The following VPS50 variants were observed in gnomAD, a reference collection of about 807,000 sequenced individuals.
VPS50 encodes VPS50 subunit of EARP/GARPII complex.
Under a neutral mutation model 139.7 loss-of-function variants are expected in VPS50, and 70 were observed. The observed-to-expected ratio is 0.50, with a 90% CI of 0.41 to 0.61. The LOEUF is 0.61. Ranked by LOEUF, VPS50 falls within the 20% of genes least tolerant of loss-of-function variation. The pLI, the probability that VPS50 is intolerant of heterozygous loss-of-function variation, is 0.00. For missense variants in VPS50, 921 were observed against 1,133.7 expected (o/e 0.81, Z 2.69); for synonymous variants, 365 against 376.7 (o/e 0.97, Z 0.36).
Position 93,257,891 on chromosome 7 carries a change from G to A in VPS50, c.423-268G>A, listed in dbSNP as rs377197168. 357 of 296,126 alleles carry A rather than the reference G, an allele frequency of 1.2e-3. 7 individuals carry two copies. In the South Asian group the frequency reaches 0.033, roughly 27 times the overall value. 18.3% of individuals were successfully genotyped at this position (296,126 alleles called of 1,614,324 possible). ...AAGAATAATTATTCTGTCAGTTTTT[G>A]CACTGTGTTTTTAAGCGCTTATTCT... is the stretch of plus-strand genomic sequence containing the variant. On this transcript the variant is annotated intron_variant, in intron 6 of 27. Transcript: ENST00000305866.
intron 26 of VPS50, among the ~76,000 whole-genome samples, chr7:93,354,113 T>C (rs1798631143): frequency 6.6e-6 from 1 of 152,136 alleles, no homozygotes; most frequent in Non-Finnish European, 1.5e-5. Context: ...AAACCAAACA[T>C]TTCACAGGAT....
rs1379144757 is a variant in VPS50 at position 93,355,930 on chromosome 7, C to A, written c.2625C>A (p.Ala875=). The change falls in exon 27 of 28, where the codon GCC becomes GCA. Residue 875 remains alanine (A), a synonymous_variant. Coordinates refer to ENST00000305866, the MANE Select transcript of VPS50 (RefSeq NM_017667.4). ...NVKKCSNEGR[A]LMQLDFQQFL... ...AGAAATGCAGTAATGAGGGTCGTGC[C>A]CTGATGCAATTGGATTTTCAACAGT... The A allele has an allele frequency of 1.9e-6, 3 of 1,602,138 alleles. No individual in the cohort carries two copies. Among genetic ancestry groups the A allele is most frequent in the Non-Finnish European group, 2.6e-6 (3 of 1,171,476 alleles).
intron 14 of VPS50, chr7:93,295,426 T>C (rs2116947477): frequency 6.6e-6 from 1 of 152,312 alleles, no homozygotes; most frequent in East Asian, 1.9e-4. Context: ...TATTATCACC[T>C]TGGAGGTTAG....
chr7:93,260,639 T>A lies in VPS50; in HGVS notation c.659+1007T>A, dbSNP rs531846426. On this transcript the variant is annotated intron_variant, in intron 9 of 27. Transcript: ENST00000305866. ...TGCTGTTTAAGTCTCTATGGTTTTTTTTTTTCTTTAAAATGTGCAGATTGA... is the reference window on the plus strand; with the variant it reads ...TGCTGTTTAAGTCTCTATGGTTTTTATTTTTCTTTAAAATGTGCAGATTGA... Among the ~76,000 whole-genome samples the A allele has an allele frequency of 4.6e-5, 7 of 152,222 alleles. No individual in the cohort carries two copies. In the East Asian group the frequency reaches 9.7e-4, roughly 21 times the overall value.
intron 12 of VPS50, among the ~76,000 whole-genome samples, chr7:93,281,868 G>A (rs1796336909): frequency 1.3e-5 from 2 of 152,166 alleles, no homozygotes; most frequent in Admixed American, 1.3e-4. Flanking sequence ...AAAAGTAGCT[G>A]CACAAACTGT....
intron 4 of VPS50, among the ~76,000 whole-genome samples, chr7:93,256,262 C>T (rs577477797): frequency 1.3e-5 from 2 of 152,210 alleles, no homozygotes; most frequent in South Asian, 4.1e-4. Context: ...ATATTATTAA[C>T]AATAATAATG....
In VPS50 at chr7:93,321,684, C is replaced by T. The variant is rs375249379; in HGVS notation, c.1856-1927C>T. On this transcript the variant is annotated intron_variant, in intron 20 of 27. Coordinates refer to ENST00000305866, the MANE Select transcript of VPS50 (RefSeq NM_017667.4). Reference sequence around the variant, plus strand: ...TTTCTTCTGAATACACATTTAAAATCGCCTTTACCTATTAATAATCGATTT... The same window carrying T: ...TTTCTTCTGAATACACATTTAAAATTGCCTTTACCTATTAATAATCGATTT... Among the ~76,000 whole-genome samples the T allele has an allele frequency of 3.0e-4, 46 of 152,240 alleles. No homozygotes were observed. In the East Asian group the frequency reaches 4.3e-3, roughly 14 times the overall value.
intron 9 of VPS50, among the ~76,000 whole-genome samples, chr7:93,263,693 C>T (rs1795754929): frequency 6.6e-6 from 1 of 152,126 alleles, no homozygotes; most frequent in African/African-American, 2.4e-5. Context: ...ATATTTGCTT[C>T]TGCATAAAGA....
At chr7:93,297,560 A>G (rs969556706) in intron 16 of VPS50, among the ~76,000 whole-genome samples, 8 of 152,212 alleles carry the variant, frequency 5.3e-5, no homozygotes, top group African/African-American at 1.9e-4. Flanking sequence ...CTGCATACAT[A>G]TGGGTGTGCT....
rs1245712553 is a variant in VPS50, at chr7:93,305,965, C to A, written c.1590C>A (p.His530Gln). 1 of 1,612,162 alleles carries A rather than the reference C, an allele frequency of 6.2e-7. No individual in the cohort carries two copies. Among genetic ancestry groups the A allele is most frequent in the Non-Finnish European group, 8.5e-7 (1 of 1,178,652 alleles). The change falls in exon 18 of 28, where the codon CAC becomes CAA. Residue 530 changes from histidine (H) to glutamine (Q), a missense_variant. By Grantham distance (24) the His-to-Gln change is conservative. This residue lies in a region of VPS50 where 744 missense variants were observed against 930.6 expected (regional missense o/e 0.80). Coordinates refer to ENST00000305866, the MANE Select transcript of VPS50 (RefSeq NM_017667.4). ...ATCCATTTGAAATTCAGGCCAACCA[C>A]AAAGATGAAGAAACAGAAGATGTCT... Reference protein sequence around the residue: ...GGNPFEIQANHKDEETEDVLA... With the variant: ...GGNPFEIQANQKDEETEDVLA...
intron 26 of VPS50, among the ~76,000 whole-genome samples, chr7:93,354,716 T>G (rs1272483925): frequency 6.6e-6 from 1 of 152,160 alleles, no homozygotes; most frequent in South Asian, 2.1e-4. Context: ...ATGGATCTAT[T>G]AATAGTAATT....
intron 21 of VPS50, 53 bp from the exon 22 acceptor site, chr7:93,334,064 A>G (rs1798006951): frequency 2.0e-6 from 2 of 977,824 alleles, no homozygotes; most frequent in Non-Finnish European, 3.2e-6. Context: ...TTGAAGATGT[A>G]ACATTTGCAA....
chr7:93,236,521 G>A (rs765935505), intron 1 of VPS50, among the ~76,000 whole-genome samples: 1 of 152,188 alleles, frequency 6.6e-6, no homozygotes, highest in Non-Finnish European at 1.5e-5. Flanking sequence ...AGAGGCGAGT[G>A]TTAATTTATG....
At chr7:93,302,527 A>T (rs1797007456) in intron 16 of VPS50, among the ~76,000 whole-genome samples, 1 of 150,844 alleles carries the variant, frequency 6.6e-6, no homozygotes, top group African/African-American at 2.4e-5. Flanking sequence ...TGTTTTTCTT[A>T]TTGCAGTTAT....
intron 21 of VPS50, among the ~76,000 whole-genome samples, chr7:93,332,451 T>C (rs977308635): frequency 6.6e-6 from 1 of 152,200 alleles, no homozygotes; most frequent in Non-Finnish European, 1.5e-5. Flanking sequence ...AACATGCATT[T>C]TGAGGGAAAA....
chr7:93,357,846 C>T (rs1018980652), intron 27 of VPS50, among the ~76,000 whole-genome samples: 1 of 152,030 alleles, frequency 6.6e-6, no homozygotes, highest in African/African-American at 2.4e-5. Context: ...TTACCTTATT[C>T]ATTTGTTGTA....
At chr7:93,345,844 A>G (rs1265502413) in intron 23 of VPS50, among the ~76,000 whole-genome samples, 1 of 152,210 alleles carries the variant, frequency 6.6e-6, no homozygotes, top group East Asian at 1.9e-4. Flanking sequence ...AATAAGAGCT[A>G]TCTATGACAA....
At chr7:93,335,996 C>G (rs1043700744) in intron 22 of VPS50, among the ~76,000 whole-genome samples, 2 of 152,128 alleles carry the variant, frequency 1.3e-5, no homozygotes, top group Non-Finnish European at 2.9e-5. Context: ...CTAGAACTTG[C>G]TTGATCTCAG....
At chr7:93,321,943 A>T (rs1797625426) in intron 20 of VPS50, among the ~76,000 whole-genome samples, 1 of 152,216 alleles carries the variant, frequency 6.6e-6, no homozygotes, top group South Asian at 2.1e-4. Context: ...TATGTTTTGT[A>T]GCTGAGGAAA....
Sources: gnomAD v4.1 joint callset for allele counts (sites outside exome capture counted in the v4.1 genomes callset) on GRCh38, gnomAD v4.1.1 for gene constraint, gnomAD v4.1.1 regional missense constraint, MANE v1.5 for transcripts, NCBI Gene and HGNC (gene_info 2026-07-23, HGNC 2026-07-21) for gene names.